Variants in KIAA1671 observed in about 807,000 individuals in gnomAD.
The protein encoded by KIAA1671 is uncharacterized protein KIAA1671.
In KIAA1671, 52 loss-of-function variants were observed where a neutral mutation model predicts 131.2. The observed-to-expected ratio is 0.40, with a 90% confidence interval of 0.32 to 0.50. The LOEUF is 0.50. Ranked by LOEUF, KIAA1671 falls within the 20% of genes least tolerant of loss-of-function variation. The probability of loss-of-function intolerance (pLI) is 0.73; values close to 1 mark genes in which losing one functional copy is unlikely to be tolerated. For missense variants in KIAA1671, 2,360 were observed against 2,364.2 expected (o/e 1.00, Z 0.04); for synonymous variants, 1,003 against 961.6 (o/e 1.04, Z -0.80).
chr22:24,954,763 G>A (rs996138018), intron 1 of KIAA1671, among the ~76,000 whole-genome samples: 10 of 151,988 alleles, frequency 6.6e-5, no homozygotes, highest in Admixed American at 3.3e-4. Context: ...GCTTTTTTTC[G>A]TTTGTTTTGT....
chr22:25,036,570 G>C (rs1002866597), intron 4 of KIAA1671, among the ~76,000 whole-genome samples: 10 of 152,018 alleles, frequency 6.6e-5, no homozygotes, highest in African/African-American at 1.9e-4. Flanking sequence ...ATAACCCATT[G>C]GTAATAGCTG....
intron 6 of KIAA1671, among the ~76,000 whole-genome samples, chr22:25,153,215 A>G (rs1411452695): frequency 1.3e-5 from 2 of 152,148 alleles, no homozygotes; most frequent in East Asian, 3.8e-4. Flanking sequence ...TTTTTCCCAC[A>G]CATCCCCCAA....
At chr22:25,158,365 C>T (rs770459681) in intron 6 of KIAA1671, among the ~76,000 whole-genome samples, 31 of 152,222 alleles carry the variant, frequency 2.0e-4, no homozygotes, top group Admixed American at 1.6e-3. Context: ...CATTTGAGGG[C>T]GAACAGACCC....
chr22:25,083,298 G>A (rs1385989252), intron 6 of KIAA1671, among the ~76,000 whole-genome samples: 1 of 152,044 alleles, frequency 6.6e-6, no homozygotes, highest in Non-Finnish European at 1.5e-5. Context: ...CTCTAATGAC[G>A]TTAACAGTCA....
chr22:25,097,811 C>T lies in KIAA1671; in HGVS notation c.4530+48447C>T, dbSNP rs183412468. On this transcript the variant is annotated intron_variant, in intron 6 of 12. Transcript: ENST00000358431. Reference sequence around the variant, plus strand: ...AAGGTATGACAGAGACTGCATATGACTTGCAACACCTGAAATATTTACCAT... The same window carrying T: ...AAGGTATGACAGAGACTGCATATGATTTGCAACACCTGAAATATTTACCAT... Among the ~76,000 whole-genome samples, 36 of 152,152 alleles carry T rather than the reference C, an allele frequency of 2.4e-4. 1 individual carries two copies. Among genetic ancestry groups the T allele is most frequent in the Admixed American group, 2.2e-3 (34 of 15,280 alleles).
At chr22:25,007,883 G>T (rs1196324493) in intron 1 of KIAA1671, among the ~76,000 whole-genome samples, 2 of 152,004 alleles carry the variant, frequency 1.3e-5, no homozygotes, top group Non-Finnish European at 2.9e-5. Flanking sequence ...TGCTGCTGCT[G>T]TACACTGCCA....
At chr22:25,114,009 G>T (rs935144169) in intron 6 of KIAA1671, among the ~76,000 whole-genome samples, 4 of 152,172 alleles carry the variant, frequency 2.6e-5, no homozygotes, top group African/African-American at 7.2e-5. Context: ...GTGACCATGG[G>T]CATTGGCATG....
chr22:25,014,566 A>C (rs899823942), intron 1 of KIAA1671: 1 of 152,024 alleles, frequency 6.6e-6, no homozygotes, highest in Non-Finnish European at 1.5e-5. Context: ...CACCATACCC[A>C]GTAAGTTATT....
At chr22:25,000,628 T>C (rs1439472559) in intron 1 of KIAA1671, among the ~76,000 whole-genome samples, 1 of 151,846 alleles carries the variant, frequency 6.6e-6, no homozygotes, top group Non-Finnish European at 1.5e-5. Context: ...ACTATTCTCA[T>C]GCCTCAGCCT....
At chr22:25,066,707 T>G (rs557246004) in intron 6 of KIAA1671, among the ~76,000 whole-genome samples, 19 of 152,232 alleles carry the variant, frequency 1.2e-4, no homozygotes, top group African/African-American at 3.9e-4. Context: ...GGACATATGT[T>G]TTTAGGGGTC....
intron 9 of KIAA1671, among the ~76,000 whole-genome samples, chr22:25,181,342 C>T (rs537748429): frequency 3.3e-5 from 5 of 152,306 alleles, no homozygotes; most frequent in African/African-American, 1.2e-4. Context: ...AGCATAACCT[C>T]GGTGCATTGT....
chr22:25,093,838 G>GTCTCTCTC (rs56200570), intron 6 of KIAA1671, among the ~76,000 whole-genome samples: 1 of 19,640 alleles, frequency 5.1e-5, no homozygotes, highest in Non-Finnish European at 8.8e-5. Context: ...CTCTCTGTCT[G>GTCTCTCTC]TCTCTCTCTC....
chr22:25,189,348 T>A (rs972972648), intron 11 of KIAA1671, among the ~76,000 whole-genome samples: 5 of 151,960 alleles, frequency 3.3e-5, no homozygotes, highest in African/African-American at 1.2e-4. Flanking sequence ...AATTTTTTTT[T>A]ATTTTTAATA....
In KIAA1671 at chr22:25,028,624, C is replaced by G. The variant is rs973340896; in HGVS notation, c.625C>G (p.Gln209Glu). ...LSQDTKPPVP[Q>E]EEAGQDHPPS... ...TCAGGACACAAAACCACCTGTACCC[C>G]AAGAGGAGGCAGGCCAAGACCATCC... is the stretch of plus-strand genomic sequence containing the variant. The change falls in exon 3 of 13, where the codon CAA becomes GAA. Residue 209 changes from glutamine (Q) to glutamate (E), a missense_variant. Transcript: ENST00000358431. The G allele has an allele frequency of 1.2e-5, 18 of 1,551,138 alleles. No homozygotes were observed. The Admixed American group carries it at 1.8e-4, about 15-fold the overall frequency.
intron 3 of KIAA1671, 91 bp downstream of exon 3, chr22:25,029,631 C>A (rs1926164097): frequency 3.1e-6 from 2 of 652,704 alleles, no homozygotes; most frequent in East Asian, 3.3e-5. Context: ...GCACTTGTCA[C>A]CCCCCCTCAG....
intron 1 of KIAA1671, among the ~76,000 whole-genome samples, chr22:24,953,728 C>T (rs1209376842): frequency 6.6e-6 from 1 of 152,100 alleles, no homozygotes; most frequent in African/African-American, 2.4e-5. Context: ...CCTTAAAACC[C>T]TGCTGTTTGT....
At chr22:25,136,429 G>A (rs1932678312) in intron 6 of KIAA1671, among the ~76,000 whole-genome samples, 1 of 152,196 alleles carries the variant, frequency 6.6e-6, no homozygotes, top group Non-Finnish European at 1.5e-5. Context: ...GAACCAGACT[G>A]TGGCATTTCT....
At chr22:25,030,144 G>A (rs1461867516) in intron 3 of KIAA1671, among the ~76,000 whole-genome samples, 1 of 152,190 alleles carries the variant, frequency 6.6e-6, no homozygotes, top group Non-Finnish European at 1.5e-5. Flanking sequence ...TACCGATGTT[G>A]TCAATCAGTT....
intron 1 of KIAA1671, among the ~76,000 whole-genome samples, chr22:24,991,884 C>T (rs1269032455): frequency 6.6e-6 from 1 of 152,156 alleles, no homozygotes; most frequent in South Asian, 2.1e-4. Flanking sequence ...TGTAAATAAG[C>T]GTGGCGTGTG....
Sources: gnomAD v4.1 joint callset for allele counts (sites outside exome capture counted in the v4.1 genomes callset) on GRCh38, gnomAD v4.1.1 for gene constraint, MANE v1.5 for transcripts, NCBI Gene and HGNC (gene_info 2026-07-23, HGNC 2026-07-21) for gene names.